TAF1: variants seen among roughly 807,000 people sequenced by gnomAD.
The protein encoded by TAF1 is transcription initiation factor TFIID subunit 1.
A neutral mutation model predicts 138.5 loss-of-function variants in TAF1; 2 were observed. That is an observed-to-expected ratio of 0.01 (90% CI 0.01 to 0.05). The LOEUF (loss-of-function observed/expected upper bound fraction) is 0.05. Ranked by LOEUF, TAF1 falls within the 10% of genes least tolerant of loss-of-function variation. TAF1 has a pLI of 1.00. For missense variants in TAF1, 709 were observed against 1,478.0 expected (o/e 0.48, Z 8.53); for synonymous variants, 437 against 503.2 (o/e 0.87, Z 1.76).
chrX:71,403,388 T>C (rs2035285118), intron 25 of TAF1, among the ~76,000 whole-genome samples: 2 of 111,772 alleles, frequency 1.8e-5, no homozygotes, highest in African/African-American at 3.2e-5. Flanking sequence ...TGCCTCAAAA[T>C]ATTCCATATT....
At chrX:71,438,498 G>A (rs759197320) in intron 32 of TAF1, among the ~76,000 whole-genome samples, 3 of 111,478 alleles carry the variant, frequency 2.7e-5, no homozygotes, top group Non-Finnish European at 3.8e-5. Context: ...AATATGTAAC[G>A]TCTCTCACTA....
chrX:71,450,546 T>C (rs1362245501), intron 32 of TAF1, among the ~76,000 whole-genome samples: 2 of 112,075 alleles, frequency 1.8e-5, no homozygotes, highest in African/African-American at 3.2e-5. Flanking sequence ...AAACAGTAGG[T>C]TCAATTTAGG....
Position 71,366,490 on chromosome X carries a change from ATGATG to A in TAF1, c.120_120+4del. The A allele has an allele frequency of 2.1e-6, 1 of 471,918 alleles. No homozygotes were observed. Among genetic ancestry groups the A allele is most frequent in the Admixed American group, 3.3e-5 (1 of 30,670 alleles). The allele number at this position is 471,918 out of a possible 1,213,427, so 38.9% of individuals were successfully genotyped here. On this transcript the variant is annotated splice_donor_variant and coding_sequence_variant, in exon 1 of 38. Transcript: ENST00000423759. LOFTEE classifies it high-confidence loss of function. ...CAGCTGGAGGGGGAAAGCGTCTTGGATGATGTGAGGGGGTGGGCGTGGGGGTAGGG... is the reference window on the plus strand; with the variant it reads ...CAGCTGGAGGGGGAAAGCGTCTTGGATGAGGGGGTGGGCGTGGGGGTAGGG...
chrX:71,475,025 G>A (rs1321135768), intron 13 of TAF1, among the ~76,000 whole-genome samples: 1 of 111,527 alleles, frequency 9.0e-6, no homozygotes, highest in African/African-American at 3.3e-5. Flanking sequence ...CAGGGATGGG[G>A]GTGGGACATG....
In TAF1 at chrX:71,421,343, C is replaced by A; in HGVS notation, c.4419C>A (p.Ser1473=). Residue 1473 remains serine, a synonymous_variant, in exon 29 of 38, where the codon TCC becomes TCA. Coordinates refer to ENST00000423759, the MANE Select transcript of TAF1 (RefSeq NM_004606.5). ...PKHSLTQISQ[S]MLDLCDEKLK... ...ACTCATTGACTCAGATCTCTCAATC[C>A]ATGCTGGATCTCTGTGATGAAAAAC... The A allele has an allele frequency of 8.4e-7, 1 of 1,190,924 alleles. No individual in the cohort carries two copies. The highest frequency in any genetic ancestry group is 1.8e-5 in the South Asian group (1 of 56,517).
Position 71,392,886 on chromosome X carries a change from A to G in TAF1, c.2943A>G (p.Glu981=), listed in dbSNP as rs746463419. Residue 981 remains glutamate, a synonymous_variant, in exon 20 of 38, where the codon GAA becomes GAG. Coordinates refer to ENST00000423759, the MANE Select transcript of TAF1 (RefSeq NM_004606.5). Reference sequence around the variant, plus strand: ...TTTGTTTGAGGTAGGATGATAAAGAACCGCAGCCAGTGAAGAAGACAGTGA... The same window carrying G: ...TTTGTTTGAGGTAGGATGATAAAGAGCCGCAGCCAGTGAAGAAGACAGTGA... ...NKPTQQKDDK[E]PQPVKKTVTG... 2 of 1,211,524 alleles carry G rather than the reference A, an allele frequency of 1.7e-6. No homozygotes were observed.
intron 13 of TAF1, among the ~76,000 whole-genome samples, chrX:71,500,551 G>A (rs867913488): frequency 5.1e-4 from 12 of 23,304 alleles, no homozygotes; most frequent in African/African-American, 1.6e-3. Flanking sequence ...CCCACCCCCC[G>A]CTGGCCCAAG....
intron 25 of TAF1, among the ~76,000 whole-genome samples, chrX:71,405,517 A>G (rs1343984579): frequency 1.8e-5 from 2 of 110,341 alleles, no homozygotes; most frequent in African/African-American, 6.6e-5. Context: ...CGCCAGGCTA[A>G]TTTTTGTATT....
intron 3 of TAF1, among the ~76,000 whole-genome samples, chrX:71,373,305 C>T (rs1323818916): frequency 9.1e-6 from 1 of 109,551 alleles, no homozygotes; most frequent in Non-Finnish European, 1.9e-5. Context: ...GTAGCTGGGA[C>T]TACAGGCCCG....
chrX:71,366,850 C>T (rs28382146), intron 1 of TAF1, among the ~76,000 whole-genome samples: 1 of 111,488 alleles, frequency 9.0e-6, no homozygotes, highest in Non-Finnish European at 1.9e-5. Flanking sequence ...CCTCTGACAT[C>T]GCTGCCCTGA....
At position 71,378,518 on chromosome X, in the gene TAF1, T is replaced by C. The variant is rs2033643713; in HGVS notation, c.1152+65T>C. Reference sequence around the variant, plus strand: ...CAGGTCCTATTACTTTTACTAACTTTACTCTTTAATTGGGGAGATACTGGG... The same window carrying C: ...CAGGTCCTATTACTTTTACTAACTTCACTCTTTAATTGGGGAGATACTGGG... On this transcript the variant is annotated intron_variant, in intron 7 of 37. Transcript: ENST00000423759. The C allele has an allele frequency of 4.4e-6, 5 of 1,139,511 alleles. No homozygotes were observed. In the East Asian group the frequency reaches 1.5e-4, roughly 35 times the overall value. The allele number at this position is 1,139,511 out of a possible 1,213,427, so 93.9% of individuals were successfully genotyped here.
At chrX:71,470,670 C>A (rs1159819605), downstream of TAF1, among the ~76,000 whole-genome samples, 1 of 106,981 alleles carries the variant, frequency 9.3e-6, no homozygotes, top group Non-Finnish European at 1.9e-5. Flanking sequence ...AGCCACTGTG[C>A]CCAAGCCCTT....
At chrX:71,390,417 C>A (rs1255683470) in intron 18 of TAF1, among the ~76,000 whole-genome samples, 1 of 112,136 alleles carries the variant, frequency 8.9e-6, no homozygotes, top group Non-Finnish European at 1.9e-5. Context: ...CTCTCATCTA[C>A]AAGTTATTTT....
intron 32 of TAF1, among the ~76,000 whole-genome samples, chrX:71,428,262 G>A (rs916716143): frequency 3.6e-5 from 4 of 110,404 alleles, no homozygotes; most frequent in South Asian, 3.8e-4. Context: ...GAGCCACTGC[G>A]CTTGGCCAAC....
intron 32 of TAF1, among the ~76,000 whole-genome samples, chrX:71,426,715 CAA>C (rs972830149): frequency 3.6e-5 from 3 of 82,755 alleles, no homozygotes; most frequent in Admixed American, 1.4e-4. Context: ...AACTCCATCT[CAA>C]AAAAAAAAAA....
chrX:71,424,461 AT>A (rs745758189), intron 32 of TAF1, among the ~76,000 whole-genome samples: 1 of 34,120 alleles, frequency 2.9e-5, no homozygotes, highest in South Asian at 1.3e-3. Flanking sequence ...GGGTTTTACT[AT>A]TTTGCCCAGG....
chrX:71,392,999 G>C lies in TAF1; in HGVS notation c.3051+5G>C. 1 of 1,210,979 alleles carries C rather than the reference G, an allele frequency of 8.3e-7. No homozygotes were observed. Among genetic ancestry groups the C allele is most frequent in the Non-Finnish European group, 1.1e-6 (1 of 895,323 alleles). Reference sequence around the variant, plus strand: ...TTTGGTGTGCCTGAGGAAGAGGTGAGTGTGGAAGTGGAAAATTTAGAGTAT... The same window carrying C: ...TTTGGTGTGCCTGAGGAAGAGGTGACTGTGGAAGTGGAAAATTTAGAGTAT... On this transcript the variant is annotated splice_donor_5th_base_variant and intron_variant, in intron 20 of 37. Coordinates refer to ENST00000423759, the MANE Select transcript of TAF1 (RefSeq NM_004606.5).
At chrX:71,366,522 T>TG in intron 1 of TAF1, 28 bp downstream of exon 1, 1 of 128,606 alleles carries the variant, frequency 7.8e-6, no homozygotes. Flanking sequence ...GGGGTAGGGC[T>TG]CGGGGGGTGG....
Position 71,368,104 on chromosome X carries a change from G to A in TAF1, c.286G>A (p.Val96Met), listed in dbSNP as rs2032705927. The A allele has an allele frequency of 8.2e-7, 1 of 1,212,194 alleles. No homozygotes were observed. Among genetic ancestry groups the A allele is most frequent in the African/African-American group, 1.7e-5 (1 of 57,898 alleles). The change falls in exon 3 of 38, where the codon GTG becomes ATG. Residue 96 changes from valine to methionine, a missense_variant. Val to Met is a conservative substitution (Grantham distance 21). This residue lies in a region of TAF1 where 123 missense variants were observed against 161.6 expected (regional missense o/e 0.76). Coordinates refer to ENST00000423759, the MANE Select transcript of TAF1 (RefSeq NM_004606.5). Reference sequence around the variant, plus strand: ...TGTGGACTATTCAGACATCAATGAGGTGGCAGAAGATGAAAGCCGAAGATA... The same window carrying A: ...TGTGGACTATTCAGACATCAATGAGATGGCAGAAGATGAAAGCCGAAGATA... ...DAVDYSDINE[V>M]AEDESRRYQQ...
Sources: allele counts gnomAD v4.1 joint callset (sites outside exome capture counted in the v4.1 genomes callset), GRCh38; gene constraint gnomAD v4.1.1; regional missense constraint gnomAD v4.1.1; transcripts MANE v1.5; gene names NCBI Gene and HGNC (gene_info 2026-07-23, HGNC 2026-07-21).